GMDS: variants seen among roughly 807,000 people sequenced by gnomAD.
The protein encoded by GMDS is GDP-mannose 4,6 dehydratase.
Under a neutral mutation model 49.9 loss-of-function variants are expected in GMDS, and 20 were observed. That is an observed-to-expected ratio of 0.40 (90% CI 0.28 to 0.58). The LOEUF (loss-of-function observed/expected upper bound fraction) is 0.58, where lower values mean the gene tolerates loss of function less well. Ranked by LOEUF, GMDS falls within the 20% of genes least tolerant of loss-of-function variation. GMDS has a pLI of 0.42. For synonymous variants in GMDS, 177 were observed against 178.6 expected, an observed-to-expected ratio of 0.99 and a Z score of 0.07; for missense variants, 362 against 481.4, an observed-to-expected ratio of 0.75 and a Z score of 2.32.
chr6:1,931,837 T>C (rs1762300119), intron 6 of GMDS, among the ~76,000 whole-genome samples: 1 of 152,178 alleles, frequency 6.6e-6, no homozygotes, highest in South Asian at 2.1e-4. Context: ...TTTGACCCTA[T>C]TCATACAATT....
At chr6:1,678,012 A>G (rs989581403) in intron 9 of GMDS, among the ~76,000 whole-genome samples, 1 of 152,180 alleles carries the variant, frequency 6.6e-6, no homozygotes, top group African/African-American at 2.4e-5. Flanking sequence ...CGATGGGATT[A>G]ATAGTGATGG....
At chr6:2,225,398 CT>C (rs1780771622) in intron 1 of GMDS, among the ~76,000 whole-genome samples, 2 of 152,142 alleles carry the variant, frequency 1.3e-5, no homozygotes, top group Non-Finnish European at 2.9e-5. Flanking sequence ...GAGGTGCCCC[CT>C]AACTTGCCCT....
chr6:2,104,906 G>A (rs981005428), intron 4 of GMDS, among the ~76,000 whole-genome samples: 3 of 151,940 alleles, frequency 2.0e-5, no homozygotes, highest in African/African-American at 7.2e-5. Context: ...AACCTAACCG[G>A]GTGCGGTGGC....
intron 1 of GMDS, among the ~76,000 whole-genome samples, chr6:2,147,411 T>C (rs1776613580): frequency 6.6e-6 from 1 of 152,174 alleles, no homozygotes; most frequent in Non-Finnish European, 1.5e-5. Flanking sequence ...CATTGGTTGC[T>C]AGCCCAGAAG....
At chr6:1,891,574 G>C (rs1269541203) in intron 7 of GMDS, among the ~76,000 whole-genome samples, 3 of 152,236 alleles carry the variant, frequency 2.0e-5, no homozygotes, top group Non-Finnish European at 4.4e-5. Flanking sequence ...AATTTAACAA[G>C]AGAGGCTAAT....
chr6:1,889,460 C>T (rs1254358367), intron 7 of GMDS, among the ~76,000 whole-genome samples: 1 of 152,170 alleles, frequency 6.6e-6, no homozygotes, highest in African/African-American at 2.4e-5. Context: ...TGCTCTCCCT[C>T]CCTCCACATT....
At chr6:1,857,239 C>A (rs1450010931) in intron 7 of GMDS, among the ~76,000 whole-genome samples, 1 of 152,180 alleles carries the variant, frequency 6.6e-6, no homozygotes, top group South Asian at 2.1e-4. Flanking sequence ...GTGAACGTAA[C>A]TGGGTTTTGC....
chr6:1,936,107 G>A (rs1762517600), intron 6 of GMDS, among the ~76,000 whole-genome samples: 1 of 152,120 alleles, frequency 6.6e-6, no homozygotes, highest in African/African-American at 2.4e-5. Flanking sequence ...AACACACTAT[G>A]TTAGTTATGC....
intron 7 of GMDS, among the ~76,000 whole-genome samples, chr6:1,764,091 G>A (rs766529966): frequency 1.7e-4 from 25 of 150,528 alleles, no homozygotes; most frequent in Non-Finnish European, 2.2e-4. Context: ...GTGAAGGAGC[G>A]AAGAAAAAAA....
At chr6:2,166,423 T>C (rs1168676882) in intron 1 of GMDS, among the ~76,000 whole-genome samples, 2 of 152,202 alleles carry the variant, frequency 1.3e-5, no homozygotes, top group South Asian at 2.1e-4. Flanking sequence ...TTATCTCTTG[T>C]AGTTTTAGGC....
chr6:2,171,451 T>C (rs1778002155), intron 1 of GMDS, among the ~76,000 whole-genome samples: 1 of 152,000 alleles, frequency 6.6e-6, no homozygotes, highest in Non-Finnish European at 1.5e-5. Context: ...ATGGCAAAAA[T>C]AAATAAATAA....
intron 6 of GMDS, among the ~76,000 whole-genome samples, chr6:1,932,886 T>C (rs914146327): frequency 1.3e-5 from 2 of 152,186 alleles, no homozygotes; most frequent in Non-Finnish European, 2.9e-5. Context: ...GAGATATAAT[T>C]CACATAGCAT....
chr6:1,835,211 C>A (rs1335233706), intron 7 of GMDS, among the ~76,000 whole-genome samples: 1 of 152,066 alleles, frequency 6.6e-6, no homozygotes, highest in Non-Finnish European at 1.5e-5. Context: ...TTGAAACTGG[C>A]TGAAGAACAC....
At chr6:1,655,371 C>T (rs1396003594) in intron 9 of GMDS, among the ~76,000 whole-genome samples, 1 of 152,018 alleles carries the variant, frequency 6.6e-6, no homozygotes, top group Non-Finnish European at 1.5e-5. Context: ...ACTCACTAAG[C>T]TATTTCATAT....
chr6:1,634,602 T>C (rs947304837), intron 9 of GMDS, among the ~76,000 whole-genome samples: 1 of 152,186 alleles, frequency 6.6e-6, no homozygotes, highest in African/African-American at 2.4e-5. Flanking sequence ...TTGAACTCCA[T>C]CCTTTACCGG....
chr6:1,934,818 T>C (rs913861003), intron 6 of GMDS, among the ~76,000 whole-genome samples: 1 of 152,128 alleles, frequency 6.6e-6, no homozygotes. Flanking sequence ...GAAGAAACTA[T>C]ATAAAAGCAT....
chr6:1,905,912 A>AGGTGGGACCTCAAAGGTACCTGTGCATC (rs373879067), intron 7 of GMDS, among the ~76,000 whole-genome samples: 2 of 73,474 alleles, frequency 2.7e-5, no homozygotes, highest in African/African-American at 6.3e-5. Flanking sequence ...GGGAACACGT[A>AGGTGGGACCTCAAAGGTACCTGTGCATC]TGCAGGTGTC....
chr6:2,106,106 C>T (rs2127491005), intron 4 of GMDS, among the ~76,000 whole-genome samples: 1 of 152,336 alleles, frequency 6.6e-6, no homozygotes. Context: ...GGAACATACT[C>T]TGCCATTTTT....
At chr6:1,757,057 G>T (rs1767978629) in intron 7 of GMDS, among the ~76,000 whole-genome samples, 1 of 152,178 alleles carries the variant, frequency 6.6e-6, no homozygotes, top group Non-Finnish European at 1.5e-5. Context: ...GAGCTATCTT[G>T]TGATAACTCT....
Sources: allele counts gnomAD v4.1 joint callset (sites outside exome capture counted in the v4.1 genomes callset), GRCh38; gene constraint gnomAD v4.1.1; transcripts MANE v1.5; gene names NCBI Gene and HGNC (gene_info 2026-07-23, HGNC 2026-07-21).